KL: variants seen among roughly 807,000 people sequenced by gnomAD.
KL encodes the protein alpha-klotho.
A neutral mutation model predicts 84.2 loss-of-function variants in KL; 62 were observed. The observed-to-expected ratio is 0.74, with a 90% CI of 0.60 to 0.91. The LOEUF (loss-of-function observed/expected upper bound fraction) is 0.91. KL is among the 40% of genes least tolerant of loss of function. KL has a pLI of 0.00. For missense variants in KL, 1,261 were observed against 1,305.7 expected (o/e 0.97, Z 0.53); for synonymous variants, 528 against 528.0 (o/e 1.00, Z 0.00).
At chr13:33,062,339 C>A (rs1354688400) in intron 4 of KL, among the ~76,000 whole-genome samples, 2 of 151,054 alleles carry the variant, frequency 1.3e-5, no homozygotes, top group Non-Finnish European at 1.5e-5. Flanking sequence ...ATGATCACAG[C>A]ACTGCAATCT....
rs773332167 is a variant in KL at position 33,031,967 on chromosome 13, G to A, written c.819+14708G>A. Among the ~76,000 whole-genome samples the A allele has an allele frequency of 2.6e-5, 4 of 152,174 alleles. No homozygotes were observed. The South Asian group carries it at 8.3e-4, about 32-fold the overall frequency. Reference sequence around the variant, plus strand: ...AGGTAAATTCATTGAGAGACCCAGAGAGTTTAGCTGACTTTCCTGTGGGTA... The same window carrying A: ...AGGTAAATTCATTGAGAGACCCAGAAAGTTTAGCTGACTTTCCTGTGGGTA... On this transcript the variant is annotated intron_variant, in intron 1 of 4. Transcript: ENST00000380099.
intron 1 of KL, among the ~76,000 whole-genome samples, chr13:33,019,569 G>C (rs1870494815): frequency 6.6e-6 from 1 of 152,026 alleles, no homozygotes; most frequent in African/African-American, 2.4e-5. Flanking sequence ...CCCTCCTAGA[G>C]AGTCAAGAAT....
intron 1 of KL, among the ~76,000 whole-genome samples, chr13:33,049,168 A>G (rs1871650899): frequency 6.6e-6 from 1 of 152,178 alleles, no homozygotes; most frequent in Non-Finnish European, 1.5e-5. Flanking sequence ...TTTATTTTTT[A>G]ATGGTATGTG....
chr13:33,019,871 G>A (rs1191058716), intron 1 of KL, among the ~76,000 whole-genome samples: 4 of 152,030 alleles, frequency 2.6e-5, no homozygotes, highest in Non-Finnish European at 4.4e-5. Flanking sequence ...AATCCAGGAG[G>A]ATGCACCTTT....
chr13:33,046,920 G>A (rs1021202402), intron 1 of KL, among the ~76,000 whole-genome samples: 2 of 151,902 alleles, frequency 1.3e-5, no homozygotes, highest in Admixed American at 6.6e-5. Context: ...TTGTTTGAGT[G>A]TGTCAACAAT....
intron 1 of KL, 30 bp downstream of exon 1, chr13:33,017,289 C>T: frequency 6.5e-7 from 1 of 1,528,328 alleles, no homozygotes; most frequent in Middle Eastern, 1.8e-4. Context: ...CGGAGGGCCA[C>T]GCAGGGGAGA....
In KL at chr13:33,061,695, C is replaced by T. The variant is rs1872211529; in HGVS notation, c.2616C>T (p.Ser872=). 6.2e-7 allele frequency: 1 copy of T among 1,613,808 alleles called. No homozygotes were observed. The highest frequency in any genetic ancestry group is 8.5e-7 in the Non-Finnish European group (1 of 1,179,864). ...KYGDLPMYII[S]NGIDDGLHAE... ...GAGACCTCCCCATGTACATAATATCCAATGGAATCGATGACGGGCTGCATG... is the reference window on the plus strand; with the variant it reads ...GAGACCTCCCCATGTACATAATATCTAATGGAATCGATGACGGGCTGCATG... Residue 872 remains serine, a synonymous_variant, in exon 4 of 5, where the codon TCC becomes TCT. Transcript: ENST00000380099.
rs1404987056 is a variant in KL at position 33,017,248 on chromosome 13, A to G, written c.808A>G (p.Asn270Asp). 3 of 1,576,632 alleles carry G rather than the reference A, an allele frequency of 1.9e-6. No individual in the cohort carries two copies. Among genetic ancestry groups the G allele is most frequent in the Non-Finnish European group, 2.6e-6 (3 of 1,168,308 alleles). ...GCGGCTCGGGTACCTGGTGGCGCAC[A>G]ACCTCCTCCTGGTGAGTGCGAGGGG... is the stretch of plus-strand genomic sequence containing the variant. ...SPRLGYLVAH[N>D]LLLAHAKVWH... is the part of the protein sequence containing the mutation. Residue 270 changes from asparagine to aspartate, a missense_variant, in exon 1 of 5, where the codon AAC becomes GAC. By Grantham distance (23) the Asn-to-Asp change is conservative. Coordinates refer to ENST00000380099, the MANE Select transcript of KL (RefSeq NM_004795.4).
At chr13:33,033,982 G>T (rs1871071356) in intron 1 of KL, among the ~76,000 whole-genome samples, 1 of 151,806 alleles carries the variant, frequency 6.6e-6, no homozygotes, top group African/African-American at 2.4e-5. Flanking sequence ...GCCTTCTTTT[G>T]AAAAGGCAAT....
rs750467289 is a variant in KL at position 33,046,745 on chromosome 13, C to CTT, written c.820-7021_820-7020dup. On this transcript the variant is annotated intron_variant, in intron 1 of 4. Coordinates refer to ENST00000380099, the MANE Select transcript of KL (RefSeq NM_004795.4). ...GGAAGACTAAGTTATTGAGATATAT[C>CTT]TTGTTTTTTTTTTTGATGTAGGTAT... is the stretch of plus-strand genomic sequence containing the variant. 1.0e-3 allele frequency among the ~76,000 whole-genome samples: 133 copies of CTT among 129,078 alleles called. 1 individual carries two copies. Among genetic ancestry groups the CTT allele is most frequent in the Non-Finnish European group, 1.4e-3 (81 of 59,972 alleles). The allele number at this position is 129,078 out of a possible 152,430, so 84.7% of individuals were successfully genotyped here.
intron 1 of KL, among the ~76,000 whole-genome samples, chr13:33,019,620 G>C (rs887372138): frequency 2.6e-5 from 4 of 152,010 alleles, no homozygotes; most frequent in African/African-American, 7.2e-5. Flanking sequence ...CAAACAAACA[G>C]CAGGACAAAT....
At chr13:33,059,331 A>G (rs972092613) in intron 3 of KL, among the ~76,000 whole-genome samples, 3 of 152,240 alleles carry the variant, frequency 2.0e-5, no homozygotes, top group Non-Finnish European at 4.4e-5. Flanking sequence ...TTTATAGCAT[A>G]TGATTGAGAA....
intron 1 of KL, among the ~76,000 whole-genome samples, chr13:33,035,191 C>T (rs547312789): frequency 6.6e-6 from 1 of 152,284 alleles, no homozygotes; most frequent in Admixed American, 6.5e-5. Context: ...ATGTAGAAAT[C>T]CTCACACACT....
chr13:33,052,629 T>C (rs2138230166), intron 1 of KL, among the ~76,000 whole-genome samples: 1 of 152,324 alleles, frequency 6.6e-6, no homozygotes, highest in African/African-American at 2.4e-5. Flanking sequence ...AGGCCATTCT[T>C]GGATGCCTGT....
At chr13:33,059,477 T>C (rs1872090040) in intron 3 of KL, among the ~76,000 whole-genome samples, 3 of 152,108 alleles carry the variant, frequency 2.0e-5, no homozygotes, top group Non-Finnish European at 4.4e-5. Context: ...TTTCTTTTTT[T>C]CTATTTTTTT....
chr13:33,054,145 T>C lies in KL; in HGVS notation c.1198T>C (p.Trp400Arg). Residue 400 changes from tryptophan to arginine, a missense_variant, in exon 2 of 5, where the codon TGG becomes CGG. Trp to Arg is a moderately radical substitution (Grantham distance 101, BLOSUM62 -3). Coordinates refer to ENST00000380099, the MANE Select transcript of KL (RefSeq NM_004795.4). ...ESPNLRQLLS[W>R]IDLEFNHPQI... Reference sequence around the variant, plus strand: ...TCCCAACCTGAGGCAACTGCTTTCCTGGATTGACCTTGAATTTAACCATCC... The same window carrying C: ...TCCCAACCTGAGGCAACTGCTTTCCCGGATTGACCTTGAATTTAACCATCC... The C allele has an allele frequency of 6.2e-7, 1 of 1,614,134 alleles. No homozygotes were observed.
Position 33,066,013 on chromosome 13 carries a change from T to G in KL, c.*1827T>G, listed in dbSNP as rs1872398449. 1 of 176,532 alleles carries G rather than the reference T, an allele frequency of 5.7e-6. No individual in the cohort carries two copies. Among genetic ancestry groups the G allele is most frequent in the Non-Finnish European group, 1.2e-5 (1 of 81,956 alleles). 10.9% of individuals were successfully genotyped at this position (176,532 alleles called of 1,614,324 possible). On this transcript the variant is annotated 3_prime_UTR_variant, in exon 5 of 5. Transcript: ENST00000380099. ...GTTTCTTATTAATGTTGATGAATGT[T>G]GTTTAAAAATAATTTTGTTGCTACA... is the stretch of plus-strand genomic sequence containing the variant.
In KL at chr13:33,016,786, C is replaced by T. The variant is rs1870358499; in HGVS notation, c.346C>T (p.Pro116Ser). The T allele has an allele frequency of 6.2e-7, 1 of 1,612,094 alleles. No individual in the cohort carries two copies. Among genetic ancestry groups the T allele is most frequent in the Non-Finnish European group, 8.5e-7 (1 of 1,179,582 alleles). Reference protein sequence around the residue: ...NASLPLGAPSPLQPATGDVAS... With the variant: ...NASLPLGAPSSLQPATGDVAS... ...CAGTCTGCCGTTGGGCGCCCCGTCG[C>T]CGCTGCAGCCCGCCACCGGGGACGT... is the stretch of plus-strand genomic sequence containing the variant. The change falls in exon 1 of 5, where the codon CCG becomes TCG. Residue 116 changes from proline to serine, a missense_variant. Transcript: ENST00000380099.
At position 33,053,961 on chromosome 13, in the gene KL, C is replaced by A. The variant is rs547049483; in HGVS notation, c.1014C>A (p.Pro338=). The change falls in exon 2 of 5, where the codon CCC becomes CCA. Residue 338 remains proline, a synonymous_variant. Coordinates refer to ENST00000380099, the MANE Select transcript of KL (RefSeq NM_004795.4). The stretch of plus-strand genomic sequence containing the variant: ...CCGTATTTATTGATGGTGACTATCC[C>A]GAGAGCATGAAGAATAACCTTTCAT... ...AKPVFIDGDY[P]ESMKNNLSSI... The A allele has an allele frequency of 2.5e-5, 41 of 1,613,816 alleles. No homozygotes were observed. Among genetic ancestry groups the A allele is most frequent in the Non-Finnish European group, 3.5e-5 (41 of 1,179,898 alleles).
Sources: allele counts gnomAD v4.1 joint callset (sites outside exome capture counted in the v4.1 genomes callset), GRCh38; gene constraint gnomAD v4.1.1; transcripts MANE v1.5; gene names NCBI Gene and HGNC (gene_info 2026-07-23, HGNC 2026-07-21).